Variants in INPP4B observed in about 807,000 individuals in gnomAD.
The protein encoded by INPP4B is inositol polyphosphate-4-phosphatase type II B, also known as inositol polyphosphate 4-phosphatase type II.
INPP4B carries 55 observed loss-of-function variants against 122.5 expected under a neutral mutation model. The ratio of observed to expected loss-of-function variants is 0.45; its 90% CI spans 0.36 to 0.56. The LOEUF (loss-of-function observed/expected upper bound fraction) is 0.56. Among genes scored for constraint, INPP4B ranks in the 20% least tolerant of loss-of-function variants. The probability of loss-of-function intolerance (pLI) is 0.00; values close to 1 mark genes in which losing one functional copy is unlikely to be tolerated. For missense variants in INPP4B, 1,000 were observed against 1,097.7 expected (o/e 0.91, Z 1.26); for synonymous variants, 403 against 388.7 (o/e 1.04, Z -0.43).
chr4:142,524,915 G>A (rs548994360), intron 2 of INPP4B, among the ~76,000 whole-genome samples: 59 of 152,116 alleles, frequency 3.9e-4, no homozygotes, highest in African/African-American at 1.4e-3. Flanking sequence ...AGGAAATAAA[G>A]GGCATTCAAT....
chr4:142,619,924 A>G (rs1041438316), intron 2 of INPP4B, among the ~76,000 whole-genome samples: 14 of 152,042 alleles, frequency 9.2e-5, no homozygotes, highest in African/African-American at 3.1e-4. Context: ...TTAACACAGA[A>G]TCATAGTCCT....
rs138674961 is a variant in INPP4B, at chr4:142,083,051, G to A, written c.2488-866C>T. Among the ~76,000 whole-genome samples the A allele has an allele frequency of 5.2e-4, 79 of 151,374 alleles. No homozygotes were observed. In the East Asian group the frequency reaches 9.6e-3, roughly 18 times the overall value. On this transcript the variant is annotated intron_variant, in intron 24 of 25. Coordinates refer to ENST00000262992, the MANE Select transcript of INPP4B (RefSeq NM_001101669.3). Reference sequence around the variant, plus strand: ...TGAGGTGGGAGGATTACTTGAGCCTGTGATCATGCCACTGCACTGCAGCCT... The same window carrying A: ...TGAGGTGGGAGGATTACTTGAGCCTATGATCATGCCACTGCACTGCAGCCT...
intron 17 of INPP4B, among the ~76,000 whole-genome samples, chr4:142,153,672 G>A (rs2152878070): frequency 6.6e-6 from 1 of 152,136 alleles, no homozygotes; most frequent in South Asian, 2.1e-4. Flanking sequence ...TAAAATACAG[G>A]TTTGAATTGG....
chr4:142,673,797 T>C (rs1279261154), intron 2 of INPP4B, among the ~76,000 whole-genome samples: 1 of 152,032 alleles, frequency 6.6e-6, no homozygotes, highest in Non-Finnish European at 1.5e-5. Flanking sequence ...CTTTTATGTT[T>C]CCCCAGGAAG....
chr4:142,533,687 A>G (rs1827876283), intron 2 of INPP4B, among the ~76,000 whole-genome samples: 1 of 152,190 alleles, frequency 6.6e-6, no homozygotes, highest in African/African-American at 2.4e-5. Flanking sequence ...TAAAAATGTT[A>G]CCTTGACTGC....
chr4:142,565,923 T>C (rs1328182838), intron 2 of INPP4B: 1 of 152,180 alleles, frequency 6.6e-6, no homozygotes, highest in African/African-American at 2.4e-5. Flanking sequence ...AGGAAGTGCA[T>C]TGACTGTCAG....
intron 1 of INPP4B, among the ~76,000 whole-genome samples, chr4:142,743,861 G>A (rs553566925): frequency 1.3e-5 from 2 of 151,910 alleles, no homozygotes; most frequent in East Asian, 1.9e-4. Flanking sequence ...AGTTCAAGGT[G>A]ATCATCTACT....
Position 142,364,559 on chromosome 4 carries a change from A to G in INPP4B, c.372+38379T>C, listed in dbSNP as rs546408588. ...TCTAAGCCAAGGGAAAGCAAATTTT[A>G]AAAAGACAAAAGACAAAGGAAGGTG... is the stretch of plus-strand genomic sequence containing the variant. On this transcript the variant is annotated intron_variant, in intron 7 of 25. Coordinates refer to ENST00000262992, the MANE Select transcript of INPP4B (RefSeq NM_001101669.3). Among the ~76,000 whole-genome samples, 8 of 152,230 alleles carry G rather than the reference A, an allele frequency of 5.3e-5. No individual in the cohort carries two copies. The South Asian group carries it at 1.7e-3, about 32-fold the overall frequency.
intron 1 of INPP4B, among the ~76,000 whole-genome samples, chr4:142,828,350 G>C (rs1057191814): frequency 6.6e-6 from 1 of 152,066 alleles, no homozygotes. Flanking sequence ...GTCCATAAAA[G>C]CTGGGCTGGA....
chr4:142,208,252 A>T (rs1843370316), intron 14 of INPP4B, among the ~76,000 whole-genome samples, 173 bp downstream of exon 14: 1 of 152,204 alleles, frequency 6.6e-6, no homozygotes, highest in South Asian at 2.1e-4. Flanking sequence ...AAAATACAGC[A>T]ACAAAAATAT....
intron 5 of INPP4B, among the ~76,000 whole-genome samples, chr4:142,423,276 G>A (rs1227902904): frequency 6.6e-6 from 1 of 152,094 alleles, no homozygotes; most frequent in South Asian, 2.1e-4. Context: ...TGACATTCAG[G>A]TTAATGAAGG....
chr4:142,214,858 CATTA>C lies in INPP4B; in HGVS notation c.837-5836_837-5833del, dbSNP rs777525301. ...GTGAGCCACTGCGCCCGACCCAGCA[CATTA>C]ATTGTTTATTTGTATAGATGAAAAA... On this transcript the variant is annotated intron_variant, in intron 12 of 25. Coordinates refer to ENST00000262992, the MANE Select transcript of INPP4B (RefSeq NM_001101669.3). 1.5e-3 allele frequency among the ~76,000 whole-genome samples: 224 copies of C among 152,228 alleles called. 1 individual carries two copies. Among genetic ancestry groups the C allele is most frequent in the Non-Finnish European group, 2.7e-3 (185 of 68,006 alleles).
chr4:142,832,619 C>T (rs568014835), intron 1 of INPP4B, among the ~76,000 whole-genome samples: 5 of 152,302 alleles, frequency 3.3e-5, no homozygotes, highest in African/African-American at 1.2e-4. Flanking sequence ...TTTTCTTTCC[C>T]ATCAATTGAA....
chr4:142,660,419 C>G (rs1399037573), intron 2 of INPP4B, among the ~76,000 whole-genome samples: 3 of 152,068 alleles, frequency 2.0e-5, no homozygotes, highest in Non-Finnish European at 4.4e-5. Flanking sequence ...ATCCTGAACC[C>G]CTGGAACTCC....
intron 3 of INPP4B, among the ~76,000 whole-genome samples, chr4:142,451,666 T>C (rs1044562088): frequency 1.3e-5 from 2 of 152,212 alleles, no homozygotes; most frequent in South Asian, 2.1e-4. Flanking sequence ...GATGGCCTTT[T>C]GGAGATCACA....
chr4:142,437,828 A>T (rs1810859209), intron 3 of INPP4B, among the ~76,000 whole-genome samples: 1 of 152,318 alleles, frequency 6.6e-6, no homozygotes, highest in South Asian at 2.1e-4. Context: ...TAAACTAGGA[A>T]GAAGTCAAAT....
intron 7 of INPP4B, among the ~76,000 whole-genome samples, chr4:142,357,504 C>A (rs186833638): frequency 6.6e-6 from 1 of 151,982 alleles, no homozygotes; most frequent in Non-Finnish European, 1.5e-5. Context: ...GGCAATTCTA[C>A]CACTTTCGTA....
intron 2 of INPP4B, among the ~76,000 whole-genome samples, chr4:142,663,570 G>A (rs1236867197): frequency 2.0e-5 from 3 of 151,970 alleles, no homozygotes; most frequent in Non-Finnish European, 4.4e-5. Context: ...AGAATGGACA[G>A]GTTTTCTTCA....
At position 142,328,329 on chromosome 4, in the gene INPP4B, C is replaced by T. The variant is rs1328282740; in HGVS notation, c.373-13567G>A. Reference sequence around the variant, plus strand: ...CTAACTACATACTGAAACCTAAGTCCTTGTGGATGGCAGCTGAGAGATCGA... The same window carrying T: ...CTAACTACATACTGAAACCTAAGTCTTTGTGGATGGCAGCTGAGAGATCGA... On this transcript the variant is annotated intron_variant, in intron 7 of 25. Coordinates refer to ENST00000262992, the MANE Select transcript of INPP4B (RefSeq NM_001101669.3). 3.3e-5 allele frequency among the ~76,000 whole-genome samples: 5 copies of T among 152,124 alleles called. No homozygotes were observed. The South Asian group carries it at 6.2e-4, about 19-fold the overall frequency.
Sources: gnomAD v4.1 joint callset for allele counts (sites outside exome capture counted in the v4.1 genomes callset) on GRCh38, gnomAD v4.1.1 for gene constraint, MANE v1.5 for transcripts, NCBI Gene and HGNC (gene_info 2026-07-23, HGNC 2026-07-21) for gene names.